PLPPR1: variants seen among roughly 807,000 people sequenced by gnomAD.
The protein encoded by PLPPR1 is phospholipid phosphatase-related protein type 1.
In PLPPR1, 10 loss-of-function variants were observed where a neutral mutation model predicts 33.1. The observed-to-expected ratio is 0.30, with a 90% CI of 0.19 to 0.51. The LOEUF is 0.51. PLPPR1 is among the 20% of genes least tolerant of loss of function. PLPPR1 has a pLI of 0.97. For missense variants in PLPPR1, 304 were observed against 408.1 expected, an observed-to-expected ratio of 0.74 and a Z score of 2.20; for synonymous variants, 151 against 151.0, an observed-to-expected ratio of 1.00 and a Z score of 0.00.
At chr9:101,253,022 A>G (rs1827739474) in intron 2 of PLPPR1, among the ~76,000 whole-genome samples, 1 of 152,058 alleles carries the variant, frequency 6.6e-6, no homozygotes, top group Admixed American at 6.6e-5. Context: ...AAGATTTGAG[A>G]TAAGTGTGAT....
At chr9:101,210,307 G>GAA (rs1215718070) in intron 2 of PLPPR1, among the ~76,000 whole-genome samples, 3 of 152,192 alleles carry the variant, frequency 2.0e-5, no homozygotes, top group Admixed American at 6.5e-5. Context: ...AGGAGTATGA[G>GAA]AAGATAATAA....
intron 2 of PLPPR1, among the ~76,000 whole-genome samples, chr9:101,233,805 C>A (rs2118826562): frequency 1.3e-5 from 2 of 152,020 alleles, no homozygotes; most frequent in African/African-American, 4.8e-5. Context: ...AGACCAGAAT[C>A]TCAGGACCTC....
intron 3 of PLPPR1, among the ~76,000 whole-genome samples, chr9:101,280,360 TA>T (rs1828275538): frequency 2.0e-5 from 3 of 152,078 alleles, no homozygotes; most frequent in African/African-American, 7.2e-5. Context: ...ACCAAACATT[TA>T]AAGAAGAACT....
In PLPPR1 at chr9:101,131,445, T is replaced by C. The variant is rs1277859704; in HGVS notation, c.-45-54005T>C. 2.0e-5 allele frequency: 3 copies of C among 152,274 alleles called. No homozygotes were observed. The East Asian group carries it at 5.8e-4, about 29-fold the overall frequency. 9.4% of individuals were successfully genotyped at this position (152,274 alleles called of 1,614,324 possible). On this transcript the variant is annotated intron_variant, in intron 1 of 7. Coordinates refer to ENST00000374874, the MANE Select transcript of PLPPR1 (RefSeq NM_207299.2). Reference sequence around the variant, plus strand: ...ATTCCTTGACCCCAGCTGTGTCTGTTGTTGAGCTCATCAGGTTTAAAGGGG... The same window carrying C: ...ATTCCTTGACCCCAGCTGTGTCTGTCGTTGAGCTCATCAGGTTTAAAGGGG...
At chr9:101,169,350 CA>C (rs1330855941) in intron 1 of PLPPR1, among the ~76,000 whole-genome samples, 1 of 38,890 alleles carries the variant, frequency 2.6e-5, no homozygotes. Flanking sequence ...TTTTTGTGGC[CA>C]TTTTTTTTTC....
At chr9:101,282,242 G>T (rs974774374) in intron 3 of PLPPR1, among the ~76,000 whole-genome samples, 1 of 152,060 alleles carries the variant, frequency 6.6e-6, no homozygotes, top group African/African-American at 2.4e-5. Flanking sequence ...CATCCCAAGG[G>T]TGCAAAGATG....
intron 1 of PLPPR1, among the ~76,000 whole-genome samples, chr9:101,112,236 A>G (rs1363787721): frequency 6.6e-6 from 1 of 152,194 alleles, no homozygotes; most frequent in African/African-American, 2.4e-5. Context: ...TGTCATTTCT[A>G]TATTGTTTTA....
intron 1 of PLPPR1, among the ~76,000 whole-genome samples, chr9:101,054,612 A>T (rs34002094): frequency 0.024 from 3,606 of 152,292 alleles, 57 homozygotes; most frequent in Middle Eastern, 0.065. Context: ...CTTATTGCTT[A>T]TTATCCAGTA....
At chr9:101,060,734 G>A (rs1241229975) in intron 1 of PLPPR1, among the ~76,000 whole-genome samples, 1 of 151,786 alleles carries the variant, frequency 6.6e-6, no homozygotes, top group Admixed American at 6.6e-5. Context: ...ACATTTAAAT[G>A]TGTGTTTTTC....
intron 4 of PLPPR1, among the ~76,000 whole-genome samples, chr9:101,292,134 C>T (rs1256943264): frequency 4.6e-5 from 7 of 151,886 alleles, no homozygotes; most frequent in African/African-American, 1.5e-4. Flanking sequence ...TCGAGAACTA[C>T]GTGAAGAATG....
chr9:101,078,191 G>GA (rs1830571390), intron 1 of PLPPR1, among the ~76,000 whole-genome samples: 1 of 21,048 alleles, frequency 4.8e-5, no homozygotes, highest in Admixed American at 4.4e-4. Flanking sequence ...AGAAGAGGAG[G>GA]GGGGGAGGGG....
chr9:101,139,048 T>C (rs908973571), intron 1 of PLPPR1, among the ~76,000 whole-genome samples: 2 of 152,152 alleles, frequency 1.3e-5, no homozygotes, highest in South Asian at 2.1e-4. Context: ...CTAAGTATCA[T>C]TTTTTTCATG....
At chr9:101,056,911 G>T (rs1433041195) in intron 1 of PLPPR1, among the ~76,000 whole-genome samples, 3 of 151,916 alleles carry the variant, frequency 2.0e-5, no homozygotes, top group African/African-American at 4.8e-5. Context: ...AAGTCTGAGG[G>T]TTATTCTCCA....
chr9:101,138,231 T>C (rs757335003), intron 1 of PLPPR1, among the ~76,000 whole-genome samples: 6 of 152,210 alleles, frequency 3.9e-5, no homozygotes, highest in Non-Finnish European at 8.8e-5. Flanking sequence ...TGTGCCTCAA[T>C]TTCCTCATTT....
intron 1 of PLPPR1, among the ~76,000 whole-genome samples, chr9:101,145,494 GCCT>G (rs1175536960): frequency 3.3e-5 from 5 of 151,916 alleles, no homozygotes; most frequent in Non-Finnish European, 7.4e-5. Context: ...TGATTCTCCT[GCCT>G]CCTCCTCCTG....
At chr9:101,218,615 G>T (rs1428051350) in intron 2 of PLPPR1, among the ~76,000 whole-genome samples, 1 of 152,114 alleles carries the variant, frequency 6.6e-6, no homozygotes, top group Non-Finnish European at 1.5e-5. Flanking sequence ...CTTTCAAATG[G>T]TAGCTATTAT....
At chr9:101,083,137 G>A (rs1029217693) in intron 1 of PLPPR1, among the ~76,000 whole-genome samples, 8 of 152,112 alleles carry the variant, frequency 5.3e-5, no homozygotes, top group African/African-American at 9.7e-5. Flanking sequence ...GAACAGGAAC[G>A]TACACTAGTT....
chr9:101,227,021 G>A (rs546859381), intron 2 of PLPPR1, among the ~76,000 whole-genome samples: 1 of 152,252 alleles, frequency 6.6e-6, no homozygotes, highest in East Asian at 1.9e-4. Context: ...GCAACTCCAA[G>A]CCCCAGCAAA....
chr9:101,096,763 A>G (rs1335408083), intron 1 of PLPPR1, among the ~76,000 whole-genome samples: 2 of 152,142 alleles, frequency 1.3e-5, no homozygotes, highest in Non-Finnish European at 2.9e-5. Flanking sequence ...ATCTAAGTGA[A>G]TATGGTTTTT....
Sources: gnomAD v4.1 joint callset for allele counts (sites outside exome capture counted in the v4.1 genomes callset) on GRCh38, gnomAD v4.1.1 for gene constraint, MANE v1.5 for transcripts, NCBI Gene and HGNC (gene_info 2026-07-23, HGNC 2026-07-21) for gene names.